Variants in STK17B observed in about 807,000 individuals in gnomAD.
STK17B encodes the protein serine/threonine kinase 17b.
A neutral mutation model predicts 42.0 loss-of-function variants in STK17B; 21 were observed. The ratio of observed to expected loss-of-function variants is 0.50; its 90% CI spans 0.35 to 0.72. The LOEUF is 0.72. Ranked by LOEUF, STK17B falls within the 30% of genes least tolerant of loss-of-function variation. The pLI is 0.00. For missense variants in STK17B, 349 were observed against 446.0 expected (o/e 0.78, Z 1.96); for synonymous variants, 143 against 148.4 (o/e 0.96, Z 0.26).
chr2:196,160,835 A>G (rs971654858), intron 2 of STK17B, among the ~76,000 whole-genome samples: 11 of 152,222 alleles, frequency 7.2e-5, no homozygotes, highest in African/African-American at 2.7e-4. Context: ...TTTTTGATCT[A>G]AAATTCTAAA....
intron 1 of STK17B, among the ~76,000 whole-genome samples, chr2:196,164,003 C>T (rs1699845357): frequency 6.6e-6 from 1 of 151,434 alleles, no homozygotes; most frequent in Non-Finnish European, 1.5e-5. Context: ...TGTGCTACTG[C>T]AGTTCAGTTT....
In STK17B at chr2:196,135,962, T is replaced by C. The variant is rs1321578267; in HGVS notation, c.*1485A>G. The C allele has an allele frequency of 1.3e-5, 2 of 152,048 alleles. No individual in the cohort carries two copies. The highest frequency in any genetic ancestry group is 2.1e-4 in the South Asian group (1 of 4,832). The allele number at this position is 152,048 out of a possible 1,614,324, so 9.4% of individuals were successfully genotyped here. A position where few individuals can be genotyped will look rare whatever the true frequency, so the allele number is the denominator to read the frequency against. On this transcript the variant is annotated 3_prime_UTR_variant, in exon 8 of 8. Coordinates refer to ENST00000263955, the MANE Select transcript of STK17B (RefSeq NM_004226.4). Reference sequence around the variant, plus strand: ...GTAGAGAAAACTTTTCCTTAACAAATGCTGAAGACATTAAAGGAATTCACC... The same window carrying C: ...GTAGAGAAAACTTTTCCTTAACAAACGCTGAAGACATTAAAGGAATTCACC...
At chr2:196,139,256 G>T (rs918101078) in intron 7 of STK17B, among the ~76,000 whole-genome samples, 1 of 152,140 alleles carries the variant, frequency 6.6e-6, no homozygotes, top group Non-Finnish European at 1.5e-5. Context: ...GAGCCACCGC[G>T]CCCGGCCGTA....
intron 3 of STK17B, chr2:196,152,921 T>C (rs1699686107): frequency 6.6e-6 from 1 of 152,052 alleles, no homozygotes; most frequent in South Asian, 2.1e-4. Flanking sequence ...ACATTTTTTG[T>C]GTGGTTTAAA....
intron 3 of STK17B, among the ~76,000 whole-genome samples, chr2:196,150,060 A>G (rs568960015): frequency 2.0e-5 from 3 of 152,182 alleles, no homozygotes; most frequent in South Asian, 4.1e-4. Context: ...GAAAGAACTG[A>G]TAACACAAGC....
At chr2:196,161,737 C>T (rs528923631) in intron 2 of STK17B, among the ~76,000 whole-genome samples, 15 of 151,738 alleles carry the variant, frequency 9.9e-5, no homozygotes, top group Non-Finnish European at 1.3e-4. Context: ...AGGGTGGTCT[C>T]GAACTCCTGA....
intron 1 of STK17B, among the ~76,000 whole-genome samples, chr2:196,169,225 G>A (rs1343314474): frequency 6.6e-6 from 1 of 151,832 alleles, no homozygotes; most frequent in Non-Finnish European, 1.5e-5. Context: ...ACAGGCGCGC[G>A]CCACAATGCC....
At chr2:196,152,107 CTT>C (rs56369141) in intron 3 of STK17B, among the ~76,000 whole-genome samples, 73,946 of 130,970 alleles carry the variant, frequency 0.56, 19,765 homozygotes, top group East Asian at 0.83. Context: ...AAAAAAGTGC[CTT>C]TTTTTTTTTT....
chr2:196,161,738 G>A (rs938556353), intron 2 of STK17B, among the ~76,000 whole-genome samples: 8 of 151,644 alleles, frequency 5.3e-5, no homozygotes, highest in Admixed American at 2.0e-4. Context: ...GGGTGGTCTC[G>A]AACTCCTGAC....
At chr2:196,166,550 T>C (rs1699876335) in intron 1 of STK17B, among the ~76,000 whole-genome samples, 1 of 152,256 alleles carries the variant, frequency 6.6e-6, no homozygotes, top group African/African-American at 2.4e-5. Context: ...GATTAGATCC[T>C]ATAAAAAGTG....
rs1292057438 is a variant in STK17B at position 196,171,525 on chromosome 2, G to A, written c.-237C>T. The A allele has an allele frequency of 6.6e-6, 1 of 152,254 alleles. No homozygotes were observed. Among genetic ancestry groups the A allele is most frequent in the Non-Finnish European group, 1.5e-5 (1 of 68,062 alleles). 9.4% of individuals were successfully genotyped at this position (152,254 alleles called of 1,614,324 possible). ...CGGTTGTGACCTGGCTTCTCGTGAA[G>A]TGACTCCTGGCGACAGCAGCGGAGA... On this transcript the variant is annotated 5_prime_UTR_variant, in exon 1 of 8. Coordinates refer to ENST00000263955, the MANE Select transcript of STK17B (RefSeq NM_004226.4).
At chr2:196,168,142 A>C (rs1699894054) in intron 1 of STK17B, among the ~76,000 whole-genome samples, 1 of 152,208 alleles carries the variant, frequency 6.6e-6, no homozygotes, top group South Asian at 2.1e-4. Flanking sequence ...ATAATTCATA[A>C]ACTTAATCCT....
At chr2:196,176,352 T>C (rs945836069), upstream of STK17B, 26 of 152,248 alleles carry the variant, frequency 1.7e-4, no homozygotes, top group African/African-American at 6.3e-4. Context: ...CCACACGTTA[T>C]TTAAGGTTGT....
At chr2:196,175,187 TG>T (rs1197367022), upstream of STK17B, among the ~76,000 whole-genome samples, 1 of 143,698 alleles carries the variant, frequency 7.0e-6, no homozygotes, top group Non-Finnish European at 1.5e-5. Context: ...TTTTTAATAT[TG>T]TCTTAAATCT....
rs1699834969 is a variant in STK17B, at chr2:196,163,200, T to C, written c.122+62A>G. The C allele has an allele frequency of 3.8e-6, 6 of 1,567,106 alleles. No individual in the cohort carries two copies. In the South Asian group the frequency reaches 6.9e-5, roughly 18 times the overall value. ...ATGATCCCAAGTGAGTTTTATAGAA[T>C]TATAAAAACACAAATCCAAAATTTG... On this transcript the variant is annotated intron_variant, in intron 2 of 7. Transcript: ENST00000263955.
rs1699409898 is a variant in STK17B, at chr2:196,136,633, A to G, written c.*814T>C. On this transcript the variant is annotated 3_prime_UTR_variant, in exon 8 of 8. Coordinates refer to ENST00000263955, the MANE Select transcript of STK17B (RefSeq NM_004226.4). ...AATAAATATGTTTGACTAAAAATAC[A>G]GAATATTTAACTATACCTAAGTATC... 1 of 152,254 alleles carries G rather than the reference A, an allele frequency of 6.6e-6. No homozygotes were observed. Among genetic ancestry groups the G allele is most frequent in the South Asian group, 2.1e-4 (1 of 4,836 alleles). The allele number at this position is 152,254 out of a possible 1,614,324, so 9.4% of individuals were successfully genotyped here.
At chr2:196,170,978 G>A (rs1382295121) in intron 1 of STK17B, 1 of 152,518 alleles carries the variant, frequency 6.6e-6, no homozygotes, top group Non-Finnish European at 1.5e-5. Context: ...CCGCCGCGAA[G>A]GGGGCCCTGC....
intron 1 of STK17B, among the ~76,000 whole-genome samples, chr2:196,168,352 C>T (rs978149382): frequency 6.6e-6 from 1 of 152,148 alleles, no homozygotes; most frequent in African/African-American, 2.4e-5. Context: ...GGTTGAAAAA[C>T]GGAAATAGAG....
chr2:196,171,937 G>A (rs1699953057), upstream of STK17B, among the ~76,000 whole-genome samples: 1 of 152,210 alleles, frequency 6.6e-6, no homozygotes, highest in African/African-American at 2.4e-5. Flanking sequence ...AATATCCGGA[G>A]ACCGGGGAGA....
Sources: gnomAD v4.1 joint callset for allele counts (sites outside exome capture counted in the v4.1 genomes callset) on GRCh38, gnomAD v4.1.1 for gene constraint, MANE v1.5 for transcripts, NCBI Gene and HGNC (gene_info 2026-07-23, HGNC 2026-07-21) for gene names.